Variants in DZIP1 observed in about 807,000 individuals in gnomAD.
The protein encoded by DZIP1 is DAZ interacting zinc finger protein 1.
A neutral mutation model predicts 107.6 loss-of-function variants in DZIP1; 97 were observed. The observed-to-expected ratio is 0.90, with a 90% CI of 0.77 to 1.07. The LOEUF (loss-of-function observed/expected upper bound fraction) is 1.07. DZIP1 is among the 50% of genes least tolerant of loss of function. DZIP1 has a pLI of 0.00. For synonymous variants in DZIP1, 390 were observed against 386.4 expected, an observed-to-expected ratio of 1.01 and a Z score of -0.11; for missense variants, 1,035 against 1,063.6, an observed-to-expected ratio of 0.97 and a Z score of 0.37.
intron 9 of DZIP1, among the ~76,000 whole-genome samples, chr13:95,620,987 G>A (rs1248871188): frequency 1.3e-5 from 2 of 152,202 alleles, no homozygotes; most frequent in Non-Finnish European, 2.9e-5. Context: ...GCTAAAAGAA[G>A]ATAAAAAGAC....
At chr13:95,637,479 C>G (rs778523072) in intron 5 of DZIP1, among the ~76,000 whole-genome samples, 13 of 152,114 alleles carry the variant, frequency 8.5e-5, no homozygotes, top group Non-Finnish European at 1.5e-4. Flanking sequence ...TGGCTCACAC[C>G]TGTAGTCCCA....
chr13:95,586,240 G>T, intron 20 of DZIP1, 104 bp from the exon 21 acceptor site: 3 of 921,284 alleles, frequency 3.3e-6, no homozygotes, highest in Admixed American at 3.6e-5. Context: ...CTAAGCTTTG[G>T]AAGTAATTAT....
intron 7 of DZIP1, 90 bp downstream of exon 7, chr13:95,629,898 CT>C: frequency 1.5e-6 from 2 of 1,367,940 alleles, no homozygotes; most frequent in South Asian, 3.4e-5. Flanking sequence ...TTCACAAACT[CT>C]TAAGTGTCCT....
In DZIP1 at chr13:95,609,534, A is replaced by G. The variant is rs752051760; in HGVS notation, c.1364-21T>C. Reference sequence around the variant, plus strand: ...ATTTCCTGAAATGACAGAAAAATAAATGAACAAAAAACATCACAAGCTATG... The same window carrying G: ...ATTTCCTGAAATGACAGAAAAATAAGTGAACAAAAAACATCACAAGCTATG... On this transcript the variant is annotated intron_variant, in intron 12 of 22. Transcript: ENST00000376829. The G allele has an allele frequency of 3.2e-6, 5 of 1,562,262 alleles. No homozygotes were observed. The South Asian group carries it at 3.6e-5, about 11-fold the overall frequency.
intron 5 of DZIP1, among the ~76,000 whole-genome samples, chr13:95,633,993 T>G (rs764317514): frequency 3.3e-5 from 5 of 152,162 alleles, no homozygotes; most frequent in Non-Finnish European, 5.9e-5. Flanking sequence ...GACAAGGCAG[T>G]GAAAACTACC....
chr13:95,641,840 C>CA lies in DZIP1; in HGVS notation c.51dup (p.Val18CysfsTer187). On this transcript the variant is annotated frameshift_variant, in exon 5 of 23. Coordinates refer to ENST00000376829, the MANE Select transcript of DZIP1 (RefSeq NM_198968.4). LOFTEE classifies it high-confidence loss of function. The surrounding 1 kb of genome is among the most constrained non-coding windows in gnomAD (Gnocchi z 4.3). ...GGGCCGCTGGCGAGCGGGTAGTAGACATGCTTCTGGAAGGGCTGCGGGGGG... is the reference window on the plus strand; with the variant it reads ...GGGCCGCTGGCGAGCGGGTAGTAGACAATGCTTCTGGAAGGGCTGCGGGGGG... 1.4e-6 allele frequency: 2 copies of CA among 1,443,522 alleles called. No homozygotes were observed. The highest frequency in any genetic ancestry group is 2.9e-5 in the South Asian group (2 of 68,254). The allele number at this position is 1,443,522 out of a possible 1,614,324, so 89.4% of individuals were successfully genotyped here. A position where few individuals can be genotyped will look rare whatever the true frequency, so the allele number is the denominator to read the frequency against.
intron 16 of DZIP1, 70 bp from the exon 17 acceptor site, chr13:95,590,511 T>G: frequency 3.4e-6 from 5 of 1,450,960 alleles, no homozygotes; most frequent in Non-Finnish European, 4.7e-6. Context: ...ATATCAGCAT[T>G]AACTGTGCCA....
chr13:95,641,416 C>G lies in DZIP1; in HGVS notation c.476G>C (p.Ser159Thr), dbSNP rs748562044. 3 of 1,614,160 alleles carry G rather than the reference C, an allele frequency of 1.9e-6. No homozygotes were observed. The highest frequency in any genetic ancestry group is 8.5e-7 in the Non-Finnish European group (1 of 1,179,994). ...CGCCTGCTTGGTGAGCAGCTTCTTG[C>G]TCTGCTCGCCGTCGCAGTGGCTCAG... Reference protein sequence around the residue: ...LRLSHCDGEQSKKLLTKQAGE... With the variant: ...LRLSHCDGEQTKKLLTKQAGE... Residue 159 changes from serine to threonine, a missense_variant, in exon 5 of 23, where the codon AGC (serine) becomes ACC (threonine). Transcript: ENST00000376829. The surrounding 1 kb of genome is among the most constrained non-coding windows in gnomAD (Gnocchi z 4.3).
At chr13:95,629,838 A>T (rs748365309) in intron 7 of DZIP1, 151 bp downstream of exon 7, 13 of 690,762 alleles carry the variant, frequency 1.9e-5, no homozygotes, top group Non-Finnish European at 2.8e-5. Flanking sequence ...GCTTTGTAGT[A>T]AGATACTAAA....
At chr13:95,584,546 AAAT>A in intron 22 of DZIP1, 187 bp downstream of exon 22, 1 of 1,117,700 alleles carries the variant, frequency 8.9e-7, no homozygotes, top group Non-Finnish European at 1.1e-6. Flanking sequence ...AATTAAATAA[AAAT>A]AACAAGTAAA....
At chr13:95,585,675 A>G (rs1197576153) in intron 21 of DZIP1, among the ~76,000 whole-genome samples, 1 of 152,216 alleles carries the variant, frequency 6.6e-6, no homozygotes, top group Non-Finnish European at 1.5e-5. Context: ...ATGCCAGGGT[A>G]GTGAAGAAGA....
chr13:95,615,469 C>G (rs931456820), intron 10 of DZIP1, among the ~76,000 whole-genome samples: 1 of 152,176 alleles, frequency 6.6e-6, no homozygotes, highest in Non-Finnish European at 1.5e-5. Context: ...AACAGGATAG[C>G]CTGGGTGGCT....
At position 95,642,018 on chromosome 13, in the gene DZIP1, CT is replaced by C. The variant is rs772694532; in HGVS notation, c.11del (p.Glu4GlyfsTer69). ...CCATGCTTGAAAACCAATCCGCTGC[CT>C]CAGCTTGCATAGGAGGAGCCGGGCG... is the stretch of plus-strand genomic sequence containing the variant. MQA[E>X]AADWFSSMPF... On this transcript the variant is annotated frameshift_variant, in exon 4 of 23. Transcript: ENST00000376829. LOFTEE classifies it high-confidence loss of function. The C allele has an allele frequency of 1.1e-5, 17 of 1,576,978 alleles. No homozygotes were observed. The African/African-American group carries it at 2.3e-4, about 21-fold the overall frequency.
At chr13:95,628,542 C>T (rs1348840492) in intron 7 of DZIP1, among the ~76,000 whole-genome samples, 1 of 152,136 alleles carries the variant, frequency 6.6e-6, no homozygotes, top group Non-Finnish European at 1.5e-5. Flanking sequence ...CTGGATTGTA[C>T]ACTGTAAAAT....
chr13:95,621,340 G>C (rs979044570), intron 9 of DZIP1, among the ~76,000 whole-genome samples: 2 of 152,164 alleles, frequency 1.3e-5, no homozygotes, highest in Non-Finnish European at 2.9e-5. Context: ...AGGACCCTGC[G>C]TGCTGGTAGG....
chr13:95,630,922 A>G, intron 6 of DZIP1: 2 of 327,030 alleles, frequency 6.1e-6, no homozygotes, highest in Non-Finnish European at 1.2e-5. Context: ...ACGCTGAAGA[A>G]TGGTAGATTA....
chr13:95,615,840 A>C (rs1391176679), intron 10 of DZIP1, among the ~76,000 whole-genome samples: 2 of 152,240 alleles, frequency 1.3e-5, no homozygotes, highest in Non-Finnish European at 2.9e-5. Context: ...CCTCACCTGT[A>C]AAATGAGTGA....
rs566075921 is a variant in DZIP1 at position 95,610,361 on chromosome 13, A to G, written c.1364-848T>C. Among the ~76,000 whole-genome samples, 5 of 151,520 alleles carry G rather than the reference A, an allele frequency of 3.3e-5. No homozygotes were observed. The South Asian group carries it at 1.0e-3, about 32-fold the overall frequency. ...GGTCTCACTCTGTCACCCAGGCTTGAGTGCAGTGGTGCAATCATAGCTCAC... is the reference window on the plus strand; with the variant it reads ...GGTCTCACTCTGTCACCCAGGCTTGGGTGCAGTGGTGCAATCATAGCTCAC... On this transcript the variant is annotated intron_variant, in intron 12 of 22. Coordinates refer to ENST00000376829, the MANE Select transcript of DZIP1 (RefSeq NM_198968.4).
chr13:95,584,841 A>AT lies in DZIP1; in HGVS notation c.2418dup (p.Ser807IlefsTer14), dbSNP rs765594416. 6.2e-7 allele frequency: 1 copy of AT among 1,613,990 alleles called. No homozygotes were observed. The highest frequency in any genetic ancestry group is 8.5e-7 in the Non-Finnish European group (1 of 1,179,974). On this transcript the variant is annotated frameshift_variant, in exon 22 of 23. Coordinates refer to ENST00000376829, the MANE Select transcript of DZIP1 (RefSeq NM_198968.4). LOFTEE classifies it high-confidence loss of function. Reference sequence around the variant, plus strand: ...GGAGGTTCCTTCTGTTCTTTCCCAGATTTTTTTCCCAAAGATATCTCTTCC... The same window carrying AT: ...GGAGGTTCCTTCTGTTCTTTCCCAGATTTTTTTTCCCAAAGATATCTCTTCC...
Sources: allele counts gnomAD v4.1 joint callset (sites outside exome capture counted in the v4.1 genomes callset), GRCh38; gene constraint gnomAD v4.1.1; non-coding constraint Gnocchi (gnomAD v3.1); transcripts MANE v1.5; gene names NCBI Gene and HGNC (gene_info 2026-07-23, HGNC 2026-07-21).